C7orf33: variants seen among roughly 807,000 people sequenced by gnomAD.
C7orf33 encodes the protein chromosome 7 open reading frame 33, also known as uncharacterized protein C7orf33.
A neutral mutation model predicts 13.4 loss-of-function variants in C7orf33; 15 were observed. The ratio of observed to expected loss-of-function variants is 1.12; its 90% CI spans 0.75 to 1.72. The LOEUF is 1.72. C7orf33 is among the 40% of genes most tolerant of loss of function. C7orf33 has a pLI of 0.00. For missense variants in C7orf33, 187 were observed against 220.3 expected, an observed-to-expected ratio of 0.85 and a Z score of 0.96; for synonymous variants, 73 against 83.2, an observed-to-expected ratio of 0.88 and a Z score of 0.67.
At chr7:148,601,744 G>A (rs1348633256) in intron 1 of C7orf33, among the ~76,000 whole-genome samples, 1 of 151,788 alleles carries the variant, frequency 6.6e-6, no homozygotes, top group Middle Eastern at 3.4e-3. Flanking sequence ...GTTTTGTGGG[G>A]TTTTTGTTTT....
intron 1 of C7orf33, among the ~76,000 whole-genome samples, chr7:148,598,215 G>C (rs563967763): frequency 6.6e-6 from 1 of 151,922 alleles, no homozygotes; most frequent in Non-Finnish European, 1.5e-5. Context: ...CTTATGAAAC[G>C]CATCCATATT....
chr7:148,607,622 A>G (rs968641452), intron 1 of C7orf33, among the ~76,000 whole-genome samples: 2 of 152,176 alleles, frequency 1.3e-5, no homozygotes, highest in African/African-American at 4.8e-5. Flanking sequence ...TTCCTATCTG[A>G]CTGATCAGAA....
chr7:148,613,542 G>A (rs889558797), intron 1 of C7orf33, among the ~76,000 whole-genome samples: 1 of 152,182 alleles, frequency 6.6e-6, no homozygotes, highest in African/African-American at 2.4e-5. Context: ...AAAACATCAC[G>A]CTAAGTGAAA....
At chr7:148,594,580 G>C (rs959972938) in intron 1 of C7orf33, among the ~76,000 whole-genome samples, 2 of 152,114 alleles carry the variant, frequency 1.3e-5, no homozygotes, top group African/African-American at 4.8e-5. Context: ...TTACCAGTAA[G>C]GGTACTAAGA....
chr7:148,608,340 G>A (rs1796497847), intron 1 of C7orf33, among the ~76,000 whole-genome samples: 1 of 152,112 alleles, frequency 6.6e-6, no homozygotes, highest in Non-Finnish European at 1.5e-5. Flanking sequence ...TGAGGCAGGA[G>A]AATCGCTTGA....
chr7:148,599,175 A>G (rs1563121573), intron 1 of C7orf33, among the ~76,000 whole-genome samples: 2 of 152,044 alleles, frequency 1.3e-5, no homozygotes, highest in South Asian at 4.1e-4. Flanking sequence ...GAATGAAATT[A>G]TTGAGCCAGA....
intron 1 of C7orf33, among the ~76,000 whole-genome samples, chr7:148,597,271 G>A (rs1796351122): frequency 6.6e-6 from 1 of 151,592 alleles, no homozygotes; most frequent in African/African-American, 2.4e-5. Context: ...TATTTAAAAT[G>A]TTATTTATTT....
chr7:148,606,963 C>CACACACACAT (rs58886554), intron 1 of C7orf33, among the ~76,000 whole-genome samples: 6 of 149,946 alleles, frequency 4.0e-5, no homozygotes, highest in African/African-American at 1.2e-4. Context: ...CACACACACA[C>CACACACACAT]GAGAAAAACA....
chr7:148,608,239 C>T (rs1188664918), intron 1 of C7orf33, among the ~76,000 whole-genome samples: 1 of 152,106 alleles, frequency 6.6e-6, no homozygotes, highest in African/African-American at 2.4e-5. Context: ...ACCATCCTGG[C>T]CAACATGGTG....
At chr7:148,613,096 T>C (rs1796563703) in intron 1 of C7orf33, among the ~76,000 whole-genome samples, 1 of 152,176 alleles carries the variant, frequency 6.6e-6, no homozygotes, top group Non-Finnish European at 1.5e-5. Context: ...TCATTTCTTC[T>C]ATCTAGCTGT....
chr7:148,603,663 G>A (rs564503203), intron 1 of C7orf33, among the ~76,000 whole-genome samples: 13 of 152,240 alleles, frequency 8.5e-5, no homozygotes, highest in African/African-American at 3.1e-4. Flanking sequence ...GGATCCCACA[G>A]AAACAAAGAA....
At chr7:148,607,713 G>T (rs111293602) in intron 1 of C7orf33, among the ~76,000 whole-genome samples, 1 of 152,070 alleles carries the variant, frequency 6.6e-6, no homozygotes, top group Non-Finnish European at 1.5e-5. Context: ...AGTCCTGCAG[G>T]ATATTTTCAC....
intron 1 of C7orf33, among the ~76,000 whole-genome samples, chr7:148,594,255 A>C (rs1263507827): frequency 6.7e-6 from 1 of 148,222 alleles, no homozygotes. Flanking sequence ...GGCTCACTGC[A>C]AGCTCCGCCT....
intron 1 of C7orf33, among the ~76,000 whole-genome samples, chr7:148,594,840 G>A (rs772133776): frequency 4.6e-5 from 7 of 152,066 alleles, no homozygotes; most frequent in Non-Finnish European, 5.9e-5. Context: ...CTATTCAAAA[G>A]AAGGACAATG....
intron 1 of C7orf33, among the ~76,000 whole-genome samples, chr7:148,595,668 A>ATAGATATACATATTATATATAT (rs1796330214): frequency 9.0e-6 from 1 of 110,522 alleles, no homozygotes; most frequent in East Asian, 2.9e-4. Flanking sequence ...TCTATATTAT[A>ATAGATATACATATTATATATAT]TAGATATAAT....
intron 1 of C7orf33, among the ~76,000 whole-genome samples, chr7:148,608,607 G>A (rs568456382): frequency 1.2e-4 from 18 of 151,870 alleles, no homozygotes; most frequent in African/African-American, 3.9e-4. Flanking sequence ...CTGAGGTCAG[G>A]AGATCGAGAC....
chr7:148,592,498 G>C (rs1304365372), intron 1 of C7orf33, among the ~76,000 whole-genome samples: 1 of 151,534 alleles, frequency 6.6e-6, no homozygotes, highest in East Asian at 1.9e-4. Flanking sequence ...CATGGGTGGA[G>C]CATATAGGGT....
At chr7:148,595,259 T>G (rs1229642308) in intron 1 of C7orf33, among the ~76,000 whole-genome samples, 1 of 143,722 alleles carries the variant, frequency 7.0e-6, no homozygotes, top group African/African-American at 2.5e-5. Flanking sequence ...ATATCATGTA[T>G]AATATAGAGA....
intron 1 of C7orf33, among the ~76,000 whole-genome samples, chr7:148,597,034 G>A (rs1165676954): frequency 6.6e-6 from 1 of 152,020 alleles, no homozygotes; most frequent in Non-Finnish European, 1.5e-5. Flanking sequence ...TTGTCTGGGT[G>A]TACCACAGTT....
Sources: allele counts gnomAD v4.1 joint callset (sites outside exome capture counted in the v4.1 genomes callset), GRCh38; gene constraint gnomAD v4.1.1; transcripts MANE v1.5; gene names NCBI Gene and HGNC (gene_info 2026-07-23, HGNC 2026-07-21).